DOCK8: variants seen among roughly 807,000 people sequenced by gnomAD.
DOCK8 encodes dedicator of cytokinesis 8, also known as dedicator of cytokinesis protein 8.
A neutral mutation model predicts 245.6 loss-of-function variants in DOCK8; 141 were observed. That is an observed-to-expected ratio of 0.57 (90% confidence interval 0.50 to 0.66). The LOEUF (loss-of-function observed/expected upper bound fraction) is 0.66, where lower values mean the gene tolerates loss of function less well. Ranked by LOEUF, DOCK8 falls within the 30% of genes least tolerant of loss-of-function variation. The pLI, the probability that DOCK8 is intolerant of heterozygous loss-of-function variation, is 0.00. For missense variants in DOCK8, 2,965 were observed against 2,603.4 expected (o/e 1.14, Z -3.02); for synonymous variants, 1,168 against 970.2 (o/e 1.20, Z -3.79).
upstream of DOCK8, among the ~76,000 whole-genome samples, chr9:211,764 T>C (rs142658050): frequency 2.6e-3 from 393 of 152,230 alleles, 2 homozygotes; most frequent in Non-Finnish European, 3.9e-3. Context: ...CCAAAGACCG[T>C]GTGACTTACT....
chr9:244,276 CCA>C (rs149153053), intron 1 of DOCK8, among the ~76,000 whole-genome samples: 13 of 149,712 alleles, frequency 8.7e-5, no homozygotes, highest in Admixed American at 1.3e-4. Flanking sequence ...ATTCCCCCCA[CCA>C]CACACACACA....
intron 1 of DOCK8, among the ~76,000 whole-genome samples, chr9:255,128 AG>A (rs1288108987): frequency 6.6e-6 from 1 of 152,186 alleles, no homozygotes; most frequent in African/African-American, 2.4e-5. Context: ...AAAAAGAAAA[AG>A]AAAAAAAGAG....
At chr9:261,772 A>T (rs80314218) in intron 1 of DOCK8, among the ~76,000 whole-genome samples, 4,485 of 152,154 alleles carry the variant, frequency 0.029, 195 homozygotes, top group African/African-American at 0.1. Context: ...TTGAGCCTAT[A>T]TTACTTGGTA....
intron 4 of DOCK8, among the ~76,000 whole-genome samples, chr9:290,483 C>T (rs1170531866): frequency 6.6e-6 from 1 of 152,164 alleles, no homozygotes; most frequent in Admixed American, 6.5e-5. Flanking sequence ...TCAGAGGTGG[C>T]ATTCGAGTTT....
intron 14 of DOCK8, among the ~76,000 whole-genome samples, chr9:363,352 A>C (rs1002674723): frequency 6.6e-6 from 1 of 152,176 alleles, no homozygotes; most frequent in African/African-American, 2.4e-5. Flanking sequence ...CTTAGATAAC[A>C]TGATTCTCTG....
chr9:439,103 G>T, intron 39 of DOCK8, 142 bp from the exon 40 acceptor site: 1 of 1,032,846 alleles, frequency 9.7e-7, no homozygotes, highest in Non-Finnish European at 1.5e-6. Flanking sequence ...GATACTCTCG[G>T]GGTAGAATTA....
At chr9:305,516 A>C (rs1227556007) in intron 5 of DOCK8, among the ~76,000 whole-genome samples, 1 of 151,718 alleles carries the variant, frequency 6.6e-6, no homozygotes, top group Admixed American at 6.6e-5. Flanking sequence ...TGATCTCCTG[A>C]CCTTGTGATC....
chr9:271,824 C>T, intron 2 of DOCK8, 95 bp downstream of exon 2: 1 of 798,514 alleles, frequency 1.3e-6, no homozygotes, highest in South Asian at 1.5e-5. Context: ...TTCCTACCAT[C>T]ACCTCACATT....
chr9:241,856 C>A (rs948218447), intron 1 of DOCK8, among the ~76,000 whole-genome samples: 2 of 151,868 alleles, frequency 1.3e-5, no homozygotes, highest in Admixed American at 1.3e-4. Flanking sequence ...TGGAGTAATC[C>A]TCCCACTTCA....
chr9:305,026 GA>G (rs2049751530), intron 5 of DOCK8, among the ~76,000 whole-genome samples: 1 of 152,148 alleles, frequency 6.6e-6, no homozygotes, highest in Non-Finnish European at 1.5e-5. Context: ...ACAGAGTAAT[GA>G]AAAGCTCTAT....
In DOCK8 at chr9:446,442, G is replaced by C; in HGVS notation, c.5653G>C (p.Glu1885Gln). Residue 1885 changes from glutamate (E) to glutamine (Q), a missense_variant, in exon 44 of 48, where the codon GAG (glutamate) becomes CAG (glutamine). By Grantham distance (29) the Glu-to-Gln change is conservative (BLOSUM62 2). Transcript: ENST00000432829. ...YEMKDRVTYF[E>Q]KNFNLRRFMY... ...GATGAAAGACAGGGTCACATACTTT[G>C]AGAAGAATTTCAACCTCCGGAGGTT... The C allele has an allele frequency of 1.2e-6, 2 of 1,614,204 alleles. No individual in the cohort carries two copies. Among genetic ancestry groups the C allele is most frequent in the East Asian group, 4.5e-5 (2 of 44,888 alleles).
chr9:358,954 A>G (rs1224700104), intron 14 of DOCK8, among the ~76,000 whole-genome samples: 2 of 152,232 alleles, frequency 1.3e-5, no homozygotes, highest in African/African-American at 4.8e-5. Context: ...ATATCTGCCA[A>G]TTTAAAAACA....
intron 1 of DOCK8, chr9:215,416 G>C (rs199937933): frequency 2.0e-4 from 304 of 1,524,158 alleles, no homozygotes; most frequent in East Asian, 1.1e-3. Flanking sequence ...CTTCCTTTGA[G>C]GCAAGTCTGA....
At chr9:441,525 A>G (rs955235075) in intron 41 of DOCK8, 108 bp downstream of exon 41, 159 of 1,538,828 alleles carry the variant, frequency 1.0e-4, no homozygotes, top group Non-Finnish European at 1.3e-4. Flanking sequence ...TCTTTAGCAC[A>G]TTGCTTTTGC....
chr9:256,561 T>G (rs1030329758), intron 1 of DOCK8, among the ~76,000 whole-genome samples: 1 of 152,220 alleles, frequency 6.6e-6, no homozygotes, highest in South Asian at 2.1e-4. Flanking sequence ...AGATTTCCTT[T>G]GCTCTGTGAA....
intron 1 of DOCK8, chr9:267,904 C>T (rs1187871527): frequency 6.6e-6 from 1 of 152,110 alleles, no homozygotes; most frequent in Non-Finnish European, 1.5e-5. Context: ...TGTATGAATT[C>T]CACGGTGTAT....
At chr9:234,982 A>G (rs1307479371) in intron 1 of DOCK8, among the ~76,000 whole-genome samples, 1 of 152,016 alleles carries the variant, frequency 6.6e-6, no homozygotes, top group Non-Finnish European at 1.5e-5. Context: ...TCTCATTTTT[A>G]GAGTTTCCAG....
chr9:223,383 ACAAGTGAGT>A (rs1280151691), intron 1 of DOCK8, among the ~76,000 whole-genome samples: 2 of 152,182 alleles, frequency 1.3e-5, no homozygotes, highest in Non-Finnish European at 2.9e-5. Context: ...AAATACAAAG[ACAAGTGAGT>A]CATGGGCCTG....
At chr9:270,286 C>T (rs905907192) in intron 1 of DOCK8, among the ~76,000 whole-genome samples, 20 of 152,214 alleles carry the variant, frequency 1.3e-4, no homozygotes, top group African/African-American at 4.3e-4. Flanking sequence ...AACGGGCCAC[C>T]ACTAGGATGA....
Sources: allele counts gnomAD v4.1 joint callset (sites outside exome capture counted in the v4.1 genomes callset), GRCh38; gene constraint gnomAD v4.1.1; transcripts MANE v1.5; gene names NCBI Gene and HGNC (gene_info 2026-07-23, HGNC 2026-07-21).